ARHGAP21: variants seen among roughly 807,000 people sequenced by gnomAD.
The protein encoded by ARHGAP21 is Rho GTPase activating protein 21, also known as rho GTPase-activating protein 21.
In ARHGAP21, 38 loss-of-function variants were observed where a neutral mutation model predicts 164.6. The ratio of observed to expected loss-of-function variants is 0.23; its 90% CI spans 0.18 to 0.30. The LOEUF (loss-of-function observed/expected upper bound fraction) is 0.30. ARHGAP21 is among the 10% of genes least tolerant of loss of function. ARHGAP21 has a pLI of 1.00. For synonymous variants in ARHGAP21, 766 were observed against 857.9 expected (o/e 0.89, Z 1.87); for missense variants, 1,822 against 2,370.7 (o/e 0.77, Z 4.81).
chr10:24,628,460 G>T (rs754974549), intron 7 of ARHGAP21, among the ~76,000 whole-genome samples: 1 of 151,716 alleles, frequency 6.6e-6, no homozygotes, highest in Non-Finnish European at 1.5e-5. Context: ...GATTATTTAT[G>T]GCCTTTGATG....
At chr10:24,629,655 C>T (rs1235546006) in intron 7 of ARHGAP21, 11 of 192,738 alleles carry the variant, frequency 5.7e-5, no homozygotes, top group South Asian at 3.3e-4. Context: ...AAAAAAGATT[C>T]TAATTCCTGG....
At chr10:24,642,449 A>G (rs1837152546) in intron 4 of ARHGAP21, among the ~76,000 whole-genome samples, 1 of 146,028 alleles carries the variant, frequency 6.8e-6, no homozygotes, top group South Asian at 2.2e-4. Flanking sequence ...TGGGAGGCGG[A>G]GCTTGCAGTG....
Position 24,620,926 on chromosome 10 carries a change from T to A in ARHGAP21, c.969A>T (p.Ser323=), listed in dbSNP as rs140832228. ...TVSRTTSPPL[S]IPTTHLIHQP... is the part of the protein sequence containing the mutation. Reference sequence around the variant, plus strand: ...GATGAATTAGATGAGTGGTGGGAATTGATAATGGTGGTGATGTGGTTCTTG... The same window carrying A: ...GATGAATTAGATGAGTGGTGGGAATAGATAATGGTGGTGATGTGGTTCTTG... The change falls in exon 9 of 26, where the codon TCA becomes TCT. Residue 323 remains serine (S), a synonymous_variant. Coordinates refer to ENST00000396432, the MANE Select transcript of ARHGAP21 (RefSeq NM_020824.4). The A allele has an allele frequency of 1.9e-6, 3 of 1,613,792 alleles. No individual in the cohort carries two copies. In the African/African-American group the frequency reaches 4.0e-5, roughly 22 times the overall value.
intron 2 of ARHGAP21, among the ~76,000 whole-genome samples, chr10:24,679,415 T>C (rs1841562548): frequency 6.6e-6 from 1 of 152,176 alleles, no homozygotes; most frequent in Non-Finnish European, 1.5e-5. Context: ...GAAACTAATC[T>C]CCCAAAGGGC....
chr10:24,592,080 G>T, intron 21 of ARHGAP21, 68 bp from the exon 22 acceptor site: 1 of 1,310,188 alleles, frequency 7.6e-7, no homozygotes, highest in Non-Finnish European at 1.0e-6. Context: ...AATTGCCATT[G>T]TAGGATTTTT....
intron 2 of ARHGAP21, among the ~76,000 whole-genome samples, chr10:24,681,279 T>C (rs568328030): frequency 7.9e-5 from 12 of 152,336 alleles, no homozygotes; most frequent in East Asian, 7.7e-4. Flanking sequence ...ATGGATCTTA[T>C]AGTTACTAAG....
rs1258142898 is a variant in ARHGAP21 at position 24,586,258 on chromosome 10, CTT to C, written c.4183-154_4183-153del. Reference sequence around the variant, plus strand: ...GCAATTAGCTTTTTTTTTAATACCTCTTTTTACCTTGAACCAAAGTCAAATTT... The same window carrying C: ...GCAATTAGCTTTTTTTTTAATACCTCTTTACCTTGAACCAAAGTCAAATTT... On this transcript the variant is annotated intron_variant, in intron 25 of 25. Coordinates refer to ENST00000396432, the MANE Select transcript of ARHGAP21 (RefSeq NM_020824.4). The C allele has an allele frequency of 2.8e-6, 3 of 1,068,512 alleles. No homozygotes were observed. The African/African-American group carries it at 4.8e-5, about 17-fold the overall frequency. 66.2% of individuals were successfully genotyped at this position (1,068,512 alleles called of 1,614,324 possible).
intron 21 of ARHGAP21, among the ~76,000 whole-genome samples, chr10:24,594,402 T>A (rs750774463): frequency 1.3e-5 from 2 of 152,112 alleles, no homozygotes; most frequent in Non-Finnish European, 2.9e-5. Flanking sequence ...TCCCAGCACT[T>A]TGGGAGGCAG....
chr10:24,715,245 T>C (rs752886995), intron 2 of ARHGAP21, among the ~76,000 whole-genome samples: 17 of 152,102 alleles, frequency 1.1e-4, no homozygotes, highest in Non-Finnish European at 2.2e-4. Context: ...AATGTAAAAA[T>C]AATATAATCC....
At chr10:24,638,695 A>G (rs1836651184) in intron 4 of ARHGAP21, among the ~76,000 whole-genome samples, 1 of 152,234 alleles carries the variant, frequency 6.6e-6, no homozygotes, top group Admixed American at 6.5e-5. Flanking sequence ...AGAACTGTTA[A>G]ATACCTTATT....
chr10:24,658,745 T>C (rs1839357089), intron 4 of ARHGAP21, among the ~76,000 whole-genome samples: 1 of 151,836 alleles, frequency 6.6e-6, no homozygotes, highest in Non-Finnish European at 1.5e-5. Context: ...AGTTAACGGG[T>C]GCAGCACACC....
rs1403260308 is a variant in ARHGAP21, at chr10:24,590,434, G to C, written c.4150+791C>G. 4 of 1,535,216 alleles carry C rather than the reference G, an allele frequency of 2.6e-6. No homozygotes were observed. In the Admixed American group the frequency reaches 7.8e-5, roughly 30 times the overall value. ...CCAGCTGTCCATCAGGGACATCACA[G>C]AATCCACTAGTGACATTACCGTGTG... On this transcript the variant is annotated intron_variant, in intron 24 of 25. Transcript: ENST00000396432.
At chr10:24,643,294 GT>G (rs1837261925) in intron 4 of ARHGAP21, among the ~76,000 whole-genome samples, 1 of 152,160 alleles carries the variant, frequency 6.6e-6, no homozygotes, top group African/African-American at 2.4e-5. Context: ...TTCACACACA[GT>G]ATTATCATAT....
rs1423411641 is a variant in ARHGAP21 at position 24,621,206 on chromosome 10, T to C, written c.689A>G (p.Gln230Arg). Residue 230 changes from glutamine (Q) to arginine (R), a missense_variant, in exon 9 of 26, where the codon CAG (glutamine) becomes CGG (arginine). Coordinates refer to ENST00000396432, the MANE Select transcript of ARHGAP21 (RefSeq NM_020824.4). ...TGTCAGTACTGGTGTACTGGTTTGC[T>C]GTTTGCTCAATGATGAGTCAGGAGG... Reference protein sequence around the residue: ...ISPPDSSLSKQQTSTPVLTQP... With the variant: ...ISPPDSSLSKRQTSTPVLTQP... 5 of 1,613,842 alleles carry C rather than the reference T, an allele frequency of 3.1e-6. No homozygotes were observed. The highest frequency in any genetic ancestry group is 4.2e-6 in the Non-Finnish European group (5 of 1,179,882).
chr10:24,615,231 G>A (rs1297636185), intron 9 of ARHGAP21, among the ~76,000 whole-genome samples: 1 of 152,122 alleles, frequency 6.6e-6, no homozygotes, highest in Non-Finnish European at 1.5e-5. Flanking sequence ...TCAAAGAAAA[G>A]ATAAAAGAGC....
chr10:24,665,515 G>A (rs1373899628), intron 4 of ARHGAP21, among the ~76,000 whole-genome samples: 1 of 152,046 alleles, frequency 6.6e-6, no homozygotes, highest in Non-Finnish European at 1.5e-5. Context: ...AGTACATGCT[G>A]TATTATTTCA....
chr10:24,660,857 T>C (rs139079953), intron 4 of ARHGAP21, among the ~76,000 whole-genome samples: 2 of 152,278 alleles, frequency 1.3e-5, no homozygotes, highest in East Asian at 1.9e-4. Context: ...AAAATTGACA[T>C]ATGTAGCGGA....
At chr10:24,707,000 G>A (rs1844292796) in intron 2 of ARHGAP21, among the ~76,000 whole-genome samples, 1 of 152,158 alleles carries the variant, frequency 6.6e-6, no homozygotes, top group Admixed American at 6.5e-5. Flanking sequence ...CATCATCAAT[G>A]ACGCTCACAC....
intron 2 of ARHGAP21, among the ~76,000 whole-genome samples, chr10:24,687,932 A>G (rs1842368584): frequency 6.6e-6 from 1 of 152,228 alleles, no homozygotes; most frequent in African/African-American, 2.4e-5. Flanking sequence ...CATCTTATTA[A>G]ATGTATGTAT....
Sources: allele counts gnomAD v4.1 joint callset (sites outside exome capture counted in the v4.1 genomes callset), GRCh38; gene constraint gnomAD v4.1.1; transcripts MANE v1.5; gene names NCBI Gene and HGNC (gene_info 2026-07-23, HGNC 2026-07-21).